The following E2F3 variants were observed in gnomAD, a reference collection of about 807,000 sequenced individuals.
The protein encoded by E2F3 is E2F transcription factor 3.
Under a neutral mutation model 44.4 loss-of-function variants are expected in E2F3, and 11 were observed. The observed-to-expected ratio is 0.25, with a 90% CI of 0.16 to 0.41. The LOEUF is 0.41. E2F3 is among the 10% of genes least tolerant of loss of function. The pLI is 1.00. For synonymous variants in E2F3, 249 were observed against 253.0 expected (o/e 0.98, Z 0.15); for missense variants, 487 against 583.6 (o/e 0.83, Z 1.70).
intron 1 of E2F3, among the ~76,000 whole-genome samples, chr6:20,471,436 G>A (rs1165540150): frequency 6.6e-6 from 1 of 152,072 alleles, no homozygotes; most frequent in Non-Finnish European, 1.5e-5. Context: ...TACAAAATTA[G>A]CCGGGTGTGG....
At chr6:20,426,043 G>A (rs1760204717) in intron 1 of E2F3, among the ~76,000 whole-genome samples, 1 of 152,224 alleles carries the variant, frequency 6.6e-6, no homozygotes, top group Non-Finnish European at 1.5e-5. Context: ...TTGATTTTGT[G>A]TGTAAAATGG....
At chr6:20,415,167 T>TC (rs988646685) in intron 1 of E2F3, among the ~76,000 whole-genome samples, 20 of 152,332 alleles carry the variant, frequency 1.3e-4, no homozygotes, top group Admixed American at 1.2e-3. Context: ...TCTGGGAGTT[T>TC]CAGAGGCTAC....
intron 1 of E2F3, among the ~76,000 whole-genome samples, chr6:20,419,113 G>A (rs565257594): frequency 4.2e-4 from 64 of 152,190 alleles, no homozygotes; most frequent in African/African-American, 1.3e-3. Flanking sequence ...TTCCAGAGAC[G>A]TAATTCCCTA....
chr6:20,482,681 G>C, intron 3 of E2F3, 81 bp from the exon 4 acceptor site: 2 of 1,443,162 alleles, frequency 1.4e-6, no homozygotes, highest in Non-Finnish European at 1.9e-6. Context: ...TATGTCAAGA[G>C]GAGACATTTA....
chr6:20,478,357 C>A (rs559522734), intron 1 of E2F3, among the ~76,000 whole-genome samples: 1 of 152,190 alleles, frequency 6.6e-6, no homozygotes, highest in Non-Finnish European at 1.5e-5. Context: ...GTGTATTTTA[C>A]AATTATAGCA....
intron 1 of E2F3, among the ~76,000 whole-genome samples, chr6:20,472,845 G>A (rs2127615708): frequency 6.6e-6 from 1 of 152,240 alleles, no homozygotes; most frequent in Middle Eastern, 3.4e-3. Flanking sequence ...ATTAGTATAT[G>A]TCTGCTTAAG....
intron 1 of E2F3, among the ~76,000 whole-genome samples, chr6:20,437,323 G>A (rs933175506): frequency 3.3e-5 from 5 of 152,162 alleles, no homozygotes; most frequent in East Asian, 1.9e-4. Flanking sequence ...TTGATCCGGG[G>A]CAAGGCTATT....
intron 1 of E2F3, among the ~76,000 whole-genome samples, chr6:20,469,710 G>A (rs755061362): frequency 3.0e-4 from 45 of 152,262 alleles, no homozygotes; most frequent in Non-Finnish European, 5.4e-4. Flanking sequence ...GAAGAAAAAT[G>A]ACCAACTTTG....
intron 1 of E2F3, among the ~76,000 whole-genome samples, chr6:20,451,565 T>C (rs1004946139): frequency 6.6e-6 from 1 of 152,222 alleles, no homozygotes; most frequent in East Asian, 1.9e-4. Context: ...TTCTCTTGAC[T>C]GATTGCTCTG....
At chr6:20,422,337 G>GCC (rs1391701445) in intron 1 of E2F3, among the ~76,000 whole-genome samples, 1 of 152,202 alleles carries the variant, frequency 6.6e-6, no homozygotes, top group Non-Finnish European at 1.5e-5. Flanking sequence ...TTAGGCTTTG[G>GCC]CTTAAGGGAA....
intron 1 of E2F3, among the ~76,000 whole-genome samples, chr6:20,431,603 A>C (rs1581593220): frequency 1.3e-5 from 2 of 152,078 alleles, no homozygotes; most frequent in East Asian, 3.9e-4. Context: ...TCCAGGGGGC[A>C]TTCTGGATGC....
At chr6:20,455,556 A>T (rs572173209) in intron 1 of E2F3, among the ~76,000 whole-genome samples, 3 of 152,300 alleles carry the variant, frequency 2.0e-5, no homozygotes, top group Non-Finnish European at 4.4e-5. Context: ...ATAGAAGCCT[A>T]TGGTTTTATT....
intron 1 of E2F3, among the ~76,000 whole-genome samples, chr6:20,470,005 C>T (rs1761837995): frequency 6.6e-6 from 1 of 152,106 alleles, no homozygotes; most frequent in Non-Finnish European, 1.5e-5. Context: ...ATAAGCTGTC[C>T]CCCTTCCTCA....
chr6:20,442,072 T>A (rs999954113), intron 1 of E2F3, among the ~76,000 whole-genome samples: 1 of 152,018 alleles, frequency 6.6e-6, no homozygotes, highest in African/African-American at 2.4e-5. Context: ...CCTTTTGCTG[T>A]TTGCCGAGTC....
chr6:20,472,184 G>T (rs1443847370), intron 1 of E2F3, among the ~76,000 whole-genome samples: 1 of 151,996 alleles, frequency 6.6e-6, no homozygotes, highest in Non-Finnish European at 1.5e-5. Context: ...ATTTGACTGA[G>T]TGCATGCCAT....
chr6:20,422,401 G>A (rs1219899063), intron 1 of E2F3, among the ~76,000 whole-genome samples: 1 of 152,202 alleles, frequency 6.6e-6, no homozygotes, highest in Non-Finnish European at 1.5e-5. Context: ...CTCCATATCA[G>A]TAATAAGGCT....
At position 20,402,125 on chromosome 6, in the gene E2F3, C is replaced by A; in HGVS notation, c.-108C>A. The A allele has an allele frequency of 6.3e-6, 9 of 1,428,012 alleles. No individual in the cohort carries two copies. The highest frequency in any genetic ancestry group is 7.3e-6 in the Non-Finnish European group (8 of 1,097,660). 88.5% of individuals were successfully genotyped at this position (1,428,012 alleles called of 1,614,324 possible). Reference sequence around the variant, plus strand: ...AGAGAGGGGGCTCGGAAGCGCCGGGCGGGGAGGAGAGAAGGAGGAGAGACT... The same window carrying A: ...AGAGAGGGGGCTCGGAAGCGCCGGGAGGGGAGGAGAGAAGGAGGAGAGACT... On this transcript the variant is annotated 5_prime_UTR_variant, in exon 1 of 7. Transcript: ENST00000346618. This position sits in a 1 kb window ranked among gnomAD's most constrained non-coding sequence, Gnocchi z 5.6.
intron 1 of E2F3, among the ~76,000 whole-genome samples, chr6:20,437,534 T>C (rs9348429): frequency 0.12 from 18,112 of 152,164 alleles, 1,555 homozygotes; most frequent in East Asian, 0.45. Flanking sequence ...TATTAAAATG[T>C]AGTGAATATT....
intron 1 of E2F3, among the ~76,000 whole-genome samples, chr6:20,411,455 G>T (rs561186193): frequency 6.6e-6 from 1 of 151,760 alleles, no homozygotes; most frequent in Non-Finnish European, 1.5e-5. Context: ...CTTCCCCTTC[G>T]CCTTGCCCTC....
Sources: gnomAD v4.1 joint callset for allele counts (sites outside exome capture counted in the v4.1 genomes callset) on GRCh38, gnomAD v4.1.1 for gene constraint, Gnocchi (gnomAD v3.1) non-coding constraint, MANE v1.5 for transcripts, NCBI Gene and HGNC (gene_info 2026-07-23, HGNC 2026-07-21) for gene names.